RAD51B: variants seen among roughly 807,000 people sequenced by gnomAD.
RAD51B encodes DNA repair protein RAD51 homolog 2.
RAD51B carries 38 observed loss-of-function variants against 42.2 expected under a neutral mutation model. That is an observed-to-expected ratio of 0.90 (90% confidence interval 0.70 to 1.18). The LOEUF (loss-of-function observed/expected upper bound fraction) is 1.18. Among genes scored for constraint, RAD51B ranks in the 50% most tolerant of loss-of-function variants. The probability of loss-of-function intolerance (pLI) is 0.00; values close to 1 mark genes in which losing one functional copy is unlikely to be tolerated. For synonymous variants in RAD51B, 154 were observed against 145.2 expected (o/e 1.06, Z -0.43); for missense variants, 373 against 400.7 (o/e 0.93, Z 0.59).
At chr14:68,050,866 C>CAGTTATTTGGATCTTGCCTTTTT (rs2076381893) in intron 7 of RAD51B, among the ~76,000 whole-genome samples, 3 of 151,758 alleles carry the variant, frequency 2.0e-5, no homozygotes, top group African/African-American at 7.3e-5. Flanking sequence ...ACCTTATATA[C>CAGTTATTTGGATCTTGCCTTTTT]AGTTATTTGG....
At chr14:67,889,899 T>G (rs1595065890) in intron 7 of RAD51B, among the ~76,000 whole-genome samples, 1 of 152,298 alleles carries the variant, frequency 6.6e-6, no homozygotes, top group East Asian at 1.9e-4. Context: ...AGACTGCAGT[T>G]TTGAGAAACA....
intron 9 of RAD51B, among the ~76,000 whole-genome samples, chr14:68,424,421 T>C (rs1346938437): frequency 6.6e-6 from 1 of 152,232 alleles, no homozygotes; most frequent in Non-Finnish European, 1.5e-5. Flanking sequence ...TGCCTCTTTA[T>C]AATAAAAAGA....
chr14:68,648,032 TATATACAC>T, intron 10 of RAD51B, among the ~76,000 whole-genome samples: 4 of 107,712 alleles, frequency 3.7e-5, no homozygotes, highest in Non-Finnish European at 5.8e-5. Flanking sequence ...CGTATATATA[TATATACAC>T]ACGTATATAG....
At chr14:68,429,585 C>T (rs1048548996) in intron 9 of RAD51B, among the ~76,000 whole-genome samples, 1 of 152,138 alleles carries the variant, frequency 6.6e-6, no homozygotes, top group Non-Finnish European at 1.5e-5. Flanking sequence ...ATCCTTTGCC[C>T]ACTTTTTGAT....
intron 4 of RAD51B, among the ~76,000 whole-genome samples, chr14:67,850,598 T>G (rs1291235270): frequency 6.6e-6 from 1 of 152,148 alleles, no homozygotes; most frequent in African/African-American, 2.4e-5. Context: ...TCTCTGTTGT[T>G]CCAGGTGATA....
chr14:68,260,784 G>T (rs1249444005), intron 7 of RAD51B, among the ~76,000 whole-genome samples: 3 of 152,132 alleles, frequency 2.0e-5, no homozygotes, highest in African/African-American at 7.2e-5. Flanking sequence ...ATATTTGGGG[G>T]TAGCATTTTC....
intron 10 of RAD51B, among the ~76,000 whole-genome samples, chr14:68,623,050 G>A (rs992566439): frequency 6.6e-6 from 1 of 152,168 alleles, no homozygotes; most frequent in African/African-American, 2.4e-5. Flanking sequence ...CAAGCTCACG[G>A]GAGGCAAGGG....
intron 7 of RAD51B, among the ~76,000 whole-genome samples, chr14:67,994,970 T>A (rs2075356588): frequency 6.6e-6 from 1 of 152,198 alleles, no homozygotes; most frequent in African/African-American, 2.4e-5. Context: ...TACAACACGA[T>A]GACCTTGAGG....
intron 8 of RAD51B, among the ~76,000 whole-genome samples, chr14:68,378,732 A>G (rs998432482): frequency 1.3e-5 from 2 of 151,432 alleles, no homozygotes; most frequent in African/African-American, 4.9e-5. Context: ...GAATCTACAG[A>G]TGGGGAAACC....
rs117266688 is a variant in RAD51B at position 68,099,844 on chromosome 14, G to A, written c.757-192040G>A. On this transcript the variant is annotated intron_variant, in intron 7 of 10. Transcript: ENST00000471583. ...ATGCCTGTATTGAGAAAGCCCAGTC[G>A]AGCAGAAGAGTTTTTGGTTTCTGCA... 3.2e-3 allele frequency among the ~76,000 whole-genome samples: 491 copies of A among 152,232 alleles called. 2 individuals carry two copies. The highest frequency in any genetic ancestry group is 5.0e-3 in the Non-Finnish European group (339 of 68,020).
At chr14:68,162,566 A>T (rs1044304066) in intron 7 of RAD51B, among the ~76,000 whole-genome samples, 1 of 152,146 alleles carries the variant, frequency 6.6e-6, no homozygotes. Context: ...CAGGCGAATC[A>T]TGAGGTCAGG....
At chr14:68,129,124 C>T (rs2077833407) in intron 7 of RAD51B, among the ~76,000 whole-genome samples, 1 of 152,162 alleles carries the variant, frequency 6.6e-6, no homozygotes, top group South Asian at 2.1e-4. Context: ...AGGAGATCGG[C>T]TCTGAGATGT....
At chr14:68,230,788 G>A (rs577532895) in intron 7 of RAD51B, among the ~76,000 whole-genome samples, 103 of 152,290 alleles carry the variant, frequency 6.8e-4, no homozygotes, top group African/African-American at 2.3e-3. Context: ...TGTTTCCCAA[G>A]TATTTTTAAA....
At chr14:68,670,400 GTCTT>G (rs1409166291) in intron 11 of RAD51B, among the ~76,000 whole-genome samples, 1 of 152,228 alleles carries the variant, frequency 6.6e-6, no homozygotes, top group East Asian at 1.9e-4. Context: ...GTGGGACTAA[GTCTT>G]TCTTTATGGG....
intron 10 of RAD51B, among the ~76,000 whole-genome samples, chr14:68,577,495 T>C (rs983799516): frequency 6.7e-6 from 1 of 149,128 alleles, no homozygotes; most frequent in Non-Finnish European, 1.5e-5. Context: ...ATTATTCATC[T>C]GATTTTATGT....
chr14:67,944,125 T>TA (rs1187400693), intron 7 of RAD51B, among the ~76,000 whole-genome samples: 1 of 151,212 alleles, frequency 6.6e-6, no homozygotes, highest in Non-Finnish European at 1.5e-5. Context: ...GGAAGAAAAC[T>TA]AAAGCACATT....
At chr14:68,319,530 C>G (rs1270324458) in intron 8 of RAD51B, among the ~76,000 whole-genome samples, 3 of 152,158 alleles carry the variant, frequency 2.0e-5, no homozygotes, top group East Asian at 1.9e-4. Flanking sequence ...CCAGTCATAC[C>G]AAGTGAAAGG....
At chr14:68,615,330 GTTAAATCTTC>G (rs2140111505), downstream of RAD51B, among the ~76,000 whole-genome samples, 1 of 151,904 alleles carries the variant, frequency 6.6e-6, no homozygotes, top group East Asian at 1.9e-4. Flanking sequence ...ATTTAGAATT[GTTAAATCTTC>G]TTAAATTTTT....
intron 7 of RAD51B, among the ~76,000 whole-genome samples, chr14:68,132,390 G>A (rs1365819595): frequency 3.3e-5 from 5 of 152,178 alleles, no homozygotes; most frequent in Admixed American, 3.3e-4. Flanking sequence ...CCTTGGTAAG[G>A]ATGTAAGGCA....
Sources: gnomAD v4.1 joint callset for allele counts (sites outside exome capture counted in the v4.1 genomes callset) on GRCh38, gnomAD v4.1.1 for gene constraint, MANE v1.5 for transcripts, NCBI Gene and HGNC (gene_info 2026-07-23, HGNC 2026-07-21) for gene names.